DNMT3B: variants seen among roughly 807,000 people sequenced by gnomAD.
The protein encoded by DNMT3B is DNA (cytosine-5)-methyltransferase 3B.
DNMT3B carries 37 observed loss-of-function variants against 120.2 expected under a neutral mutation model. That is an observed-to-expected ratio of 0.31 (90% CI 0.24 to 0.40). The LOEUF is 0.40. DNMT3B is among the 10% of genes least tolerant of loss of function. The pLI is 1.00. For missense variants in DNMT3B, 878 were observed against 1,137.3 expected, an observed-to-expected ratio of 0.77 and a Z score of 3.28; for synonymous variants, 412 against 442.8, an observed-to-expected ratio of 0.93 and a Z score of 0.87.
chr20:32,765,904 G>A (rs939966663), intron 1 of DNMT3B, among the ~76,000 whole-genome samples: 3 of 151,262 alleles, frequency 2.0e-5, no homozygotes, highest in African/African-American at 4.9e-5. Flanking sequence ...TACAGGCGCC[G>A]GCCACCATGC....
chr20:32,764,038 G>T (rs1987145191), intron 1 of DNMT3B, among the ~76,000 whole-genome samples: 1 of 152,034 alleles, frequency 6.6e-6, no homozygotes, highest in Non-Finnish European at 1.5e-5. Context: ...TGAGATGATG[G>T]TACTTAGTTT....
chr20:32,785,021 G>C (rs1232570941), intron 4 of DNMT3B, among the ~76,000 whole-genome samples, 162 bp downstream of exon 4: 1 of 145,004 alleles, frequency 6.9e-6, no homozygotes, highest in Non-Finnish European at 1.5e-5. Context: ...TTGGACTATT[G>C]TTGGAGGGTT....
At chr20:32,785,891 T>TC (rs1979214797) in intron 4 of DNMT3B, among the ~76,000 whole-genome samples, 2 of 151,742 alleles carry the variant, frequency 1.3e-5, no homozygotes, top group African/African-American at 4.8e-5. Flanking sequence ...TCTTTTTTTT[T>TC]CTTTTTTTTT....
chr20:32,797,307 C>A lies in DNMT3B; in HGVS notation c.1490+8C>A. Reference sequence around the variant, plus strand: ...CAACACGAGCTGCTGCCGGTGAGCACTGGGCCCTGTGGGGTGGATGTGGGT... The same window carrying A: ...CAACACGAGCTGCTGCCGGTGAGCAATGGGCCCTGTGGGGTGGATGTGGGT... On this transcript the variant is annotated splice_region_variant and intron_variant, in intron 14 of 22. Transcript: ENST00000328111. 4 of 1,613,770 alleles carry A rather than the reference C, an allele frequency of 2.5e-6. No homozygotes were observed. The highest frequency in any genetic ancestry group is 3.4e-6 in the Non-Finnish European group (4 of 1,179,838).
intron 1 of DNMT3B, among the ~76,000 whole-genome samples, chr20:32,778,357 T>C (rs2145894018): frequency 8.7e-6 from 1 of 114,878 alleles, no homozygotes; most frequent in East Asian, 5.8e-4. Flanking sequence ...AGAGGGAGAC[T>C]CTGTCTCAAA....
chr20:32,788,177 C>T (rs1000376045), intron 6 of DNMT3B, among the ~76,000 whole-genome samples: 4 of 152,104 alleles, frequency 2.6e-5, no homozygotes, highest in Non-Finnish European at 5.9e-5. Flanking sequence ...ACAGGGGATG[C>T]GATGGCTTGG....
At chr20:32,789,540 G>C (rs2145964189) in intron 7 of DNMT3B, among the ~76,000 whole-genome samples, 1 of 152,290 alleles carries the variant, frequency 6.6e-6, no homozygotes, top group East Asian at 1.9e-4. Flanking sequence ...AGCTGGGGAA[G>C]AGCTGTGTTG....
chr20:32,802,796 T>C (rs1190583390), intron 20 of DNMT3B, among the ~76,000 whole-genome samples: 3 of 152,108 alleles, frequency 2.0e-5, no homozygotes, highest in Non-Finnish European at 4.4e-5. Flanking sequence ...GCCCAGGAGT[T>C]CTAGACTAGC....
intron 1 of DNMT3B, among the ~76,000 whole-genome samples, chr20:32,776,227 A>G (rs1054248274): frequency 1.0e-5 from 1 of 99,192 alleles, no homozygotes; most frequent in South Asian, 4.0e-4. Flanking sequence ...TTGATCTTAA[A>G]AAAAGAAAAA....
chr20:32,778,656 G>A (rs1272597523), intron 1 of DNMT3B, among the ~76,000 whole-genome samples: 1 of 152,258 alleles, frequency 6.6e-6, no homozygotes, highest in African/African-American at 2.4e-5. Flanking sequence ...GGCGATGCCA[G>A]TGGCGCCAGT....
Position 32,791,585 on chromosome 20 carries a change from T to C in DNMT3B, c.814-16T>C, listed in dbSNP as rs1341504944. ...CACACCTGTAGGTGGATGTTGATGA[T>C]GTCTTTCTCTTTTAGGTCTCTGCAG... On this transcript the variant is annotated splice_polypyrimidine_tract_variant and intron_variant, in intron 7 of 22. Transcript: ENST00000328111. 1.9e-6 allele frequency: 3 copies of C among 1,613,858 alleles called. No homozygotes were observed. In the Admixed American group the frequency reaches 5.0e-5, roughly 27 times the overall value.
chr20:32,800,726 A>AT (rs1981228224), intron 17 of DNMT3B, 109 bp from the exon 18 acceptor site: 1 of 1,252,540 alleles, frequency 8.0e-7, no homozygotes, highest in Admixed American at 1.7e-5. Flanking sequence ...CCTTCCTGGG[A>AT]TTACAGGTGT....
At chr20:32,800,375 T>C in intron 17 of DNMT3B, 77 bp downstream of exon 17, 2 of 1,594,440 alleles carry the variant, frequency 1.3e-6, no homozygotes, top group Non-Finnish European at 8.6e-7. Context: ...GAAACCCACA[T>C]GTAGGCCCCA....
chr20:32,804,101 T>C (rs1460184062), intron 20 of DNMT3B, among the ~76,000 whole-genome samples: 1 of 152,152 alleles, frequency 6.6e-6, no homozygotes, highest in Non-Finnish European at 1.5e-5. Context: ...ACGGATCAGA[T>C]TCAACATATG....
chr20:32,769,108 G>A (rs539900673), intron 1 of DNMT3B, among the ~76,000 whole-genome samples: 94 of 152,138 alleles, frequency 6.2e-4, no homozygotes, highest in African/African-American at 2.0e-3. Flanking sequence ...TTTTTGAGAC[G>A]GAGTCTTGCT....
rs563597562 is a variant in DNMT3B at position 32,796,801 on chromosome 20, T to C, written c.1309T>C (p.Ser437Pro). ...TGTTTTTCTTACAGATGGCTGTTTG[T>C]CTTGTGGCAGGAAAAACCCCGTGTC... ...NKSSLEDGCL[S>P]CGRKNPVSFH... Residue 437 changes from serine to proline, a missense_variant, in exon 13 of 23, where the codon TCT becomes CCT. Ser to Pro is a moderately conservative substitution (Grantham distance 74). This residue lies in a region of DNMT3B where 207 missense variants were observed against 222.6 expected (regional missense o/e 0.93). Coordinates refer to ENST00000328111, the MANE Select transcript of DNMT3B (RefSeq NM_006892.4). 104 of 1,614,188 alleles carry C rather than the reference T, an allele frequency of 6.4e-5. No individual in the cohort carries two copies. In the South Asian group the frequency reaches 9.9e-4, roughly 15 times the overall value.
intron 3 of DNMT3B, among the ~76,000 whole-genome samples, chr20:32,783,438 T>C (rs1978868217): frequency 6.6e-6 from 1 of 152,186 alleles, no homozygotes; most frequent in Non-Finnish European, 1.5e-5. Flanking sequence ...GTTCCTTCCT[T>C]TACTGACACC....
chr20:32,807,690 C>A (rs1207498290), intron 22 of DNMT3B, 72 bp from the exon 23 acceptor site: 30 of 1,606,574 alleles, frequency 1.9e-5, no homozygotes, highest in Non-Finnish European at 2.5e-5. Context: ...AAGAGTGGGA[C>A]CTGGCTGGTT....
At chr20:32,792,835 C>CACCCCA in intron 9 of DNMT3B, 65 bp downstream of exon 9, 6 of 1,606,770 alleles carry the variant, frequency 3.7e-6, no homozygotes, top group Non-Finnish European at 5.1e-6. Context: ...TTGGGAGAGT[C>CACCCCA]AGCCACCCCT....
Sources: gnomAD v4.1 joint callset for allele counts (sites outside exome capture counted in the v4.1 genomes callset) on GRCh38, gnomAD v4.1.1 for gene constraint, gnomAD v4.1.1 regional missense constraint, MANE v1.5 for transcripts, NCBI Gene and HGNC (gene_info 2026-07-23, HGNC 2026-07-21) for gene names.